The following DCC variants were observed in gnomAD, a reference collection of about 807,000 sequenced individuals.
DCC encodes the protein DCC netrin 1 receptor, also known as netrin receptor DCC.
A neutral mutation model predicts 172.5 loss-of-function variants in DCC; 58 were observed. The observed-to-expected ratio is 0.34, with a 90% CI of 0.27 to 0.42. DCC has a LOEUF of 0.42. DCC is among the 10% of genes least tolerant of loss of function. DCC has a pLI of 1.00. For missense variants in DCC, 1,740 were observed against 1,791.0 expected (o/e 0.97, Z 0.51); for synonymous variants, 709 against 644.5 (o/e 1.10, Z -1.52).
chr18:52,597,877 G>A (rs1015043464), intron 1 of DCC, among the ~76,000 whole-genome samples: 4 of 152,186 alleles, frequency 2.6e-5, no homozygotes, highest in Non-Finnish European at 5.9e-5. Context: ...GAACAGTGAA[G>A]ATATTCTAGA....
intron 3 of DCC, among the ~76,000 whole-genome samples, chr18:52,923,459 G>A (rs67178174): frequency 0.064 from 9,745 of 152,012 alleles, 405 homozygotes; most frequent in East Asian, 0.21. Context: ...GCTTACTTAT[G>A]GGTAGCCTCA....
intron 12 of DCC, among the ~76,000 whole-genome samples, chr18:53,243,238 A>G (rs1336095595): frequency 6.6e-6 from 1 of 152,084 alleles, no homozygotes; most frequent in Non-Finnish European, 1.5e-5. Context: ...TGTATTGTGG[A>G]TTTTCTGGGG....
In DCC at chr18:53,507,348, A is replaced by G. The variant is rs2046193261; in HGVS notation, c.4111+7838A>G. On this transcript the variant is annotated intron_variant, in intron 27 of 28. Coordinates refer to ENST00000442544, the MANE Select transcript of DCC (RefSeq NM_005215.4). ...GCAAACAAAAAGTCTCTGTCATATT[A>G]AACAGTTTAACCATCAGCAACCCAT... Among the ~76,000 whole-genome samples, 4 of 152,208 alleles carry G rather than the reference A, an allele frequency of 2.6e-5. No individual in the cohort carries two copies. The South Asian group carries it at 6.2e-4, about 24-fold the overall frequency.
At chr18:52,782,982 G>C (rs368448741) in intron 2 of DCC, among the ~76,000 whole-genome samples, 131 of 152,068 alleles carry the variant, frequency 8.6e-4, no homozygotes, top group African/African-American at 3.1e-3. Context: ...TCTTTGGACA[G>C]ATGGTGCCCT....
At chr18:53,162,649 TA>T (rs2054861355) in intron 8 of DCC, among the ~76,000 whole-genome samples, 1 of 152,224 alleles carries the variant, frequency 6.6e-6, no homozygotes, top group Non-Finnish European at 1.5e-5. Context: ...TCAGTCTGCC[TA>T]GGATGTTCTT....
chr18:53,012,389 T>G (rs1008601283), intron 5 of DCC, among the ~76,000 whole-genome samples: 1 of 152,012 alleles, frequency 6.6e-6, no homozygotes, highest in African/African-American at 2.4e-5. Context: ...TGAATAAATC[T>G]TAAAAACATT....
chr18:52,880,244 C>A (rs1355209676), intron 2 of DCC, among the ~76,000 whole-genome samples: 2 of 152,006 alleles, frequency 1.3e-5, no homozygotes, highest in Non-Finnish European at 1.5e-5. Context: ...TCAAGCAATT[C>A]TTGTGTCTCA....
chr18:52,467,035 TG>T (rs201388723), intron 1 of DCC, among the ~76,000 whole-genome samples: 2,252 of 125,616 alleles, frequency 0.018, 24 homozygotes, highest in Non-Finnish European at 0.026. Context: ...GCTGTAAAAG[TG>T]GTTTTTTTAA....
chr18:53,390,264 TCC>T (rs1908457331), intron 16 of DCC, among the ~76,000 whole-genome samples: 2 of 102,634 alleles, frequency 1.9e-5, no homozygotes, highest in Non-Finnish European at 5.1e-5. Flanking sequence ...TCTCTCTCTC[TCC>T]TTTTATTTTT....
At chr18:52,716,130 A>G (rs995557666) in intron 1 of DCC, among the ~76,000 whole-genome samples, 1 of 152,214 alleles carries the variant, frequency 6.6e-6, no homozygotes, top group African/African-American at 2.4e-5. Context: ...ATTCCTCTGC[A>G]GGGGCCCTTG....
chr18:52,505,849 T>C (rs1419273434), intron 1 of DCC, among the ~76,000 whole-genome samples: 2 of 152,218 alleles, frequency 1.3e-5, no homozygotes, highest in Admixed American at 6.5e-5. Flanking sequence ...GCATTGTTTT[T>C]TTCAAAGAAA....
intron 7 of DCC, among the ~76,000 whole-genome samples, chr18:53,123,832 C>A (rs1440209354): frequency 1.2e-4 from 18 of 152,032 alleles, no homozygotes; most frequent in Non-Finnish European, 1.9e-4. Flanking sequence ...CGTTTTCTTG[C>A]TATACCCGTC....
intron 14 of DCC, among the ~76,000 whole-genome samples, chr18:53,332,019 T>C (rs186894008): frequency 6.6e-6 from 1 of 152,326 alleles, no homozygotes; most frequent in East Asian, 1.9e-4. Context: ...TTTTAGCATC[T>C]ACGTTTCTTT....
At chr18:53,510,397 T>C (rs2046236150) in intron 27 of DCC, among the ~76,000 whole-genome samples, 1 of 152,206 alleles carries the variant, frequency 6.6e-6, no homozygotes, top group African/African-American at 2.4e-5. Context: ...TGGGAGCTAA[T>C]TAAAATAAAT....
chr18:52,451,346 AC>A (rs1458780441), intron 1 of DCC, among the ~76,000 whole-genome samples: 1 of 152,182 alleles, frequency 6.6e-6, no homozygotes, highest in African/African-American at 2.4e-5. Context: ...TTAGAGTCAA[AC>A]AGATTTATGG....
At chr18:52,783,193 A>G (rs1223899645) in intron 2 of DCC, among the ~76,000 whole-genome samples, 1 of 152,048 alleles carries the variant, frequency 6.6e-6, no homozygotes, top group Non-Finnish European at 1.5e-5. Context: ...TGTCAATTAG[A>G]ATGAGTTGGA....
intron 7 of DCC, among the ~76,000 whole-genome samples, chr18:53,146,397 G>C (rs537320603): frequency 6.6e-6 from 1 of 152,208 alleles, no homozygotes; most frequent in Non-Finnish European, 1.5e-5. Context: ...ATCCTCTATG[G>C]AGCAGGAAGT....
At chr18:52,874,342 A>G (rs886400475) in intron 2 of DCC, among the ~76,000 whole-genome samples, 5 of 152,212 alleles carry the variant, frequency 3.3e-5, no homozygotes, top group African/African-American at 1.2e-4. Flanking sequence ...GATTTTCGAA[A>G]TGGCCATATT....
intron 7 of DCC, among the ~76,000 whole-genome samples, chr18:53,096,020 G>A (rs2043082729): frequency 6.6e-6 from 1 of 151,994 alleles, no homozygotes; most frequent in Non-Finnish European, 1.5e-5. Context: ...CAGGAGTTGG[G>A]AGACATGACA....
Sources: gnomAD v4.1 joint callset for allele counts (sites outside exome capture counted in the v4.1 genomes callset) on GRCh38, gnomAD v4.1.1 for gene constraint, MANE v1.5 for transcripts, NCBI Gene and HGNC (gene_info 2026-07-23, HGNC 2026-07-21) for gene names.